Variants in IPO7 observed in about 807,000 individuals in gnomAD.
The protein encoded by IPO7 is importin 7, also known as importin-7.
In IPO7, 13 loss-of-function variants were observed where a neutral mutation model predicts 136.4. The ratio of observed to expected loss-of-function variants is 0.10; its 90% CI spans 0.06 to 0.15. The LOEUF is 0.15. Among genes scored for constraint, IPO7 ranks in the 10% least tolerant of loss-of-function variants. The pLI is 1.00. For synonymous variants in IPO7, 403 were observed against 404.4 expected, an observed-to-expected ratio of 1.00 and a Z score of 0.04; for missense variants, 857 against 1,240.6, an observed-to-expected ratio of 0.69 and a Z score of 4.65.
chr11:9,404,589 G>A (rs1315433286), intron 2 of IPO7, among the ~76,000 whole-genome samples: 2 of 129,166 alleles, frequency 1.5e-5, no homozygotes, highest in Non-Finnish European at 3.2e-5. Context: ...TTTTTGAGAC[G>A]GAGTCTCGCT....
intron 24 of IPO7, among the ~76,000 whole-genome samples, chr11:9,444,348 CT>C (rs981674969): frequency 1.6e-4 from 24 of 150,952 alleles, no homozygotes; most frequent in Non-Finnish European, 2.2e-4. Context: ...TATCTATAGA[CT>C]TTTTTTTATA....
At chr11:9,404,971 A>G (rs1854860066) in intron 2 of IPO7, among the ~76,000 whole-genome samples, 1 of 152,268 alleles carries the variant, frequency 6.6e-6, no homozygotes, top group Middle Eastern at 3.4e-3. Flanking sequence ...TGTTTTGTTA[A>G]CAGTATATTT....
intron 3 of IPO7, 57 bp downstream of exon 3, chr11:9,408,696 GTTTTTTGGTTTTTTT>G: frequency 5.5e-6 from 1 of 181,238 alleles, no homozygotes; most frequent in Non-Finnish European, 8.7e-6. Context: ...AGGGTTTTTT[GTTTTTTGGTTTTTTT>G]TTTTTTTTTT....
At chr11:9,402,954 G>A (rs983523821) in intron 1 of IPO7, 14 of 246,724 alleles carry the variant, frequency 5.7e-5, no homozygotes, top group Non-Finnish European at 6.2e-5. Flanking sequence ...CTGGGGAGGC[G>A]GAGGTTGCAG....
At chr11:9,423,570 C>T (rs1413508716) in intron 9 of IPO7, among the ~76,000 whole-genome samples, 2 of 152,092 alleles carry the variant, frequency 1.3e-5, no homozygotes, top group African/African-American at 2.4e-5. Flanking sequence ...GACCTTTGTA[C>T]ACATATATCT....
chr11:9,387,946 G>A (rs981086528), intron 1 of IPO7, among the ~76,000 whole-genome samples: 2 of 149,354 alleles, frequency 1.3e-5, no homozygotes, highest in Admixed American at 6.7e-5. Context: ...TTGGGAGTTC[G>A]AGACCAGCCT....
At chr11:9,418,011 CCTATAGTCTAGTTTT>C (rs1855066553) in intron 6 of IPO7, among the ~76,000 whole-genome samples, 1 of 151,502 alleles carries the variant, frequency 6.6e-6, no homozygotes, top group African/African-American at 2.4e-5. Flanking sequence ...CTGTGCCCGG[CCTATAGTCTAGTTTT>C]CTAGAGATAT....
At position 9,431,007 on chromosome 11, in the gene IPO7, A is replaced by G; in HGVS notation, c.1881+4A>G. 6.2e-7 allele frequency: 1 copy of G among 1,611,918 alleles called. No individual in the cohort carries two copies. ...TGTAGTTGAAGATCATAAAGAGGTA[A>G]GAAGATGATCTAGTGTTGCAGTTTT... On this transcript the variant is annotated splice_donor_region_variant and intron_variant, in intron 16 of 24. Transcript: ENST00000379719.
At chr11:9,438,357 T>TGC in intron 22 of IPO7, 72 bp downstream of exon 22, 2 of 968,554 alleles carry the variant, frequency 2.1e-6, no homozygotes, top group Non-Finnish European at 3.2e-6. Context: ...CCGGGCGCAG[T>TGC]GGCTCAGGCC....
chr11:9,406,867 C>G (rs1374897445), intron 2 of IPO7, among the ~76,000 whole-genome samples: 1 of 151,940 alleles, frequency 6.6e-6, no homozygotes, highest in Non-Finnish European at 1.5e-5. Flanking sequence ...GAGTGAGACC[C>G]TTTCTCAAAA....
intron 1 of IPO7, among the ~76,000 whole-genome samples, chr11:9,385,235 G>A (rs1854535543): frequency 6.6e-6 from 1 of 152,196 alleles, no homozygotes; most frequent in African/African-American, 2.4e-5. Flanking sequence ...ATGTTTCTGA[G>A]ACCAGTCTCG....
chr11:9,412,059 T>A (rs2133739685), intron 4 of IPO7, among the ~76,000 whole-genome samples: 1 of 152,318 alleles, frequency 6.6e-6, no homozygotes, highest in South Asian at 2.1e-4. Flanking sequence ...GCAAATGGCT[T>A]TCTTTTGTGA....
At chr11:9,429,307 G>A (rs775598304) in intron 14 of IPO7, 111 bp downstream of exon 14, 1 of 920,028 alleles carries the variant, frequency 1.1e-6, no homozygotes, top group Non-Finnish European at 1.7e-6. Context: ...TTGAAGCCAG[G>A]TGTTCAAGAC....
intron 24 of IPO7, among the ~76,000 whole-genome samples, chr11:9,442,901 T>C (rs1855478232): frequency 6.6e-6 from 1 of 152,116 alleles, no homozygotes; most frequent in African/African-American, 2.4e-5. Flanking sequence ...CACATGCCTA[T>C]ATTCCCAGCT....
chr11:9,433,987 G>A (rs993836010), intron 18 of IPO7, 141 bp downstream of exon 18: 80 of 778,672 alleles, frequency 1.0e-4, no homozygotes, highest in Non-Finnish European at 1.5e-4. Context: ...GCAATGGTGC[G>A]ATCTCAGCTC....
At chr11:9,442,439 C>T (rs1160952075) in intron 24 of IPO7, among the ~76,000 whole-genome samples, 2 of 151,466 alleles carry the variant, frequency 1.3e-5, no homozygotes, top group Non-Finnish European at 2.9e-5. Context: ...TTTGAGATGG[C>T]GTCTTGCTCT....
At chr11:9,441,898 G>A (rs1590456006) in intron 23 of IPO7, among the ~76,000 whole-genome samples, 183 bp from the exon 24 acceptor site, 1 of 152,126 alleles carries the variant, frequency 6.6e-6, no homozygotes, top group East Asian at 1.9e-4. Context: ...ATAAGCTGTA[G>A]TTAATTTTTA....
At chr11:9,424,492 C>G (rs1166871659) in intron 10 of IPO7, among the ~76,000 whole-genome samples, 1 of 152,120 alleles carries the variant, frequency 6.6e-6, no homozygotes, top group Non-Finnish European at 1.5e-5. Context: ...CCTGTAAATC[C>G]CAACGTGTTG....
Position 9,415,768 on chromosome 11 carries a change from G to A in IPO7, c.637-1291G>A, listed in dbSNP as rs1855033484. ...CAGGAGAATGGTGTGAACCCAGGAGGCAGAGGTTGCAGTGAGCCGAGATCG... is the reference window on the plus strand; with the variant it reads ...CAGGAGAATGGTGTGAACCCAGGAGACAGAGGTTGCAGTGAGCCGAGATCG... On this transcript the variant is annotated intron_variant, in intron 5 of 24. Coordinates refer to ENST00000379719, the MANE Select transcript of IPO7 (RefSeq NM_006391.3). Among the ~76,000 whole-genome samples, 4 of 152,098 alleles carry A rather than the reference G, an allele frequency of 2.6e-5. No individual in the cohort carries two copies. The South Asian group carries it at 8.3e-4, about 32-fold the overall frequency.
Sources: gnomAD v4.1 joint callset for allele counts (sites outside exome capture counted in the v4.1 genomes callset) on GRCh38, gnomAD v4.1.1 for gene constraint, MANE v1.5 for transcripts, NCBI Gene and HGNC (gene_info 2026-07-23, HGNC 2026-07-21) for gene names.